Variants in ZNF423 observed in about 807,000 individuals in gnomAD.
The protein encoded by ZNF423 is zinc finger protein 423.
ZNF423 carries 12 observed loss-of-function variants against 95.8 expected under a neutral mutation model. That is an observed-to-expected ratio of 0.13 (90% CI 0.08 to 0.20). The LOEUF (loss-of-function observed/expected upper bound fraction) is 0.20. Ranked by LOEUF, ZNF423 falls within the 10% of genes least tolerant of loss-of-function variation. The pLI, the probability that ZNF423 is intolerant of heterozygous loss-of-function variation, is 1.00. For synonymous variants in ZNF423, 749 were observed against 711.9 expected (o/e 1.05, Z -0.83); for missense variants, 1,316 against 1,737.1 (o/e 0.76, Z 4.31).
rs764494108 is a variant in ZNF423, at chr16:49,637,322, C to A, written c.1854G>T (p.Val618=). ...KAEQSPVSSD[V]EVSSPKRQRL... ...GCTGCCGCTTCGGGGAAGACACCTC[C>A]ACATCGGACGAGACTGGGCTCTGCT... Residue 618 remains valine, a synonymous_variant, in exon 4 of 8, where the codon GTG becomes GTT. Transcript: ENST00000563137. The surrounding 1 kb of genome is among the most constrained non-coding windows in gnomAD (Gnocchi z 5.6). 1 of 1,614,202 alleles carries A rather than the reference C, an allele frequency of 6.2e-7. No homozygotes were observed. Among genetic ancestry groups the A allele is most frequent in the South Asian group, 1.1e-5 (1 of 91,082 alleles).
chr16:49,489,221 G>A lies in ZNF423; in HGVS notation c.*2054C>T, dbSNP rs895130786. On this transcript the variant is annotated 3_prime_UTR_variant, in exon 8 of 8. Coordinates refer to ENST00000563137, the MANE Select transcript of ZNF423 (RefSeq NM_001379286.1). ...CCAGAGCTGGAGAGGGCCCTGAGAC[G>A]GAGATGTGGCAGGCCCCGGGACATA... 14 of 152,298 alleles carry A rather than the reference G, an allele frequency of 9.2e-5. No individual in the cohort carries two copies. The highest frequency in any genetic ancestry group is 1.4e-4 in the African/African-American group (6 of 41,444). 9.4% of individuals were successfully genotyped at this position (152,298 alleles called of 1,614,324 possible).
At chr16:49,844,466 C>T (rs932824268) in intron 1 of ZNF423, among the ~76,000 whole-genome samples, 6 of 152,170 alleles carry the variant, frequency 3.9e-5, no homozygotes, top group African/African-American at 1.2e-4. Context: ...CTCTCCCAGC[C>T]GGGTGTCCTG....
intron 7 of ZNF423, among the ~76,000 whole-genome samples, chr16:49,523,248 A>C (rs989368830): frequency 6.6e-6 from 1 of 152,196 alleles, no homozygotes; most frequent in Non-Finnish European, 1.5e-5. Context: ...CTGTTCCCAC[A>C]CAGCCCCAGG....
chr16:49,815,881 A>AT lies in ZNF423; in HGVS notation c.41-26336_41-26335insA, dbSNP rs1555488161. On this transcript the variant is annotated intron_variant, in intron 1 of 7. Transcript: ENST00000563137. ...TAATTCCAAACAAACAAAAAAAAAAAATATATATATATATATATATATATA... is the reference window on the plus strand; with the variant it reads ...TAATTCCAAACAAACAAAAAAAAAAATATATATATATATATATATATATATA... 6.5e-3 allele frequency among the ~76,000 whole-genome samples: 306 copies of AT among 47,374 alleles called. 3 individuals are homozygous for AT. The highest frequency in any genetic ancestry group is 8.5e-3 in the Non-Finnish European group (238 of 28,086). The allele number at this position is 47,374 out of a possible 152,430, so 31.1% of individuals were successfully genotyped here. A position where few individuals can be genotyped will look rare whatever the true frequency, so the allele number is the denominator to read the frequency against.
chr16:49,686,537 C>T lies in ZNF423; in HGVS notation c.301+44234G>A, dbSNP rs1236152390. Among the ~76,000 whole-genome samples the T allele has an allele frequency of 5.3e-5, 8 of 152,090 alleles. No individual in the cohort carries two copies. In the South Asian group the frequency reaches 6.2e-4, roughly 12 times the overall value. Reference sequence around the variant, plus strand: ...TACACAGGCCTGCGTACGCCCCACACGGAGGATGCAGGTCCCCTGTCAGTG... The same window carrying T: ...TACACAGGCCTGCGTACGCCCCACATGGAGGATGCAGGTCCCCTGTCAGTG... On this transcript the variant is annotated intron_variant, in intron 3 of 7. Coordinates refer to ENST00000563137, the MANE Select transcript of ZNF423 (RefSeq NM_001379286.1).
At chr16:49,670,990 G>A (rs989898746) in intron 3 of ZNF423, among the ~76,000 whole-genome samples, 3 of 152,220 alleles carry the variant, frequency 2.0e-5, no homozygotes, top group African/African-American at 7.2e-5. Context: ...CGAAGGAGAT[G>A]TCTTATTGGG....
At chr16:49,557,965 GAAAC>G (rs1460887866) in intron 5 of ZNF423, among the ~76,000 whole-genome samples, 1 of 152,216 alleles carries the variant, frequency 6.6e-6, no homozygotes, top group East Asian at 1.9e-4. Context: ...CTCAAACAGG[GAAAC>G]AGCCCACAGA....
intron 3 of ZNF423, among the ~76,000 whole-genome samples, chr16:49,715,734 G>A (rs922068664): frequency 4.0e-5 from 6 of 151,410 alleles, no homozygotes; most frequent in Admixed American, 3.9e-4. Flanking sequence ...GACAGAGTGA[G>A]ACCCTGTCTC....
intron 7 of ZNF423, among the ~76,000 whole-genome samples, chr16:49,514,215 C>T (rs577776968): frequency 0.01 from 529 of 51,522 alleles, 3 homozygotes; most frequent in African/African-American, 0.044. Context: ...CACACACATG[C>T]ACACGCACAT....
chr16:49,541,750 G>C (rs1189312061), intron 5 of ZNF423, among the ~76,000 whole-genome samples: 1 of 152,148 alleles, frequency 6.6e-6, no homozygotes. Flanking sequence ...TCATGACAGT[G>C]ATTTCTCACG....
At chr16:49,499,257 C>G (rs913548821) in intron 7 of ZNF423, among the ~76,000 whole-genome samples, 2 of 152,208 alleles carry the variant, frequency 1.3e-5, no homozygotes, top group African/African-American at 2.4e-5. Flanking sequence ...ACGGGATGTG[C>G]GTGAGGTTTT....
intron 3 of ZNF423, among the ~76,000 whole-genome samples, chr16:49,715,709 C>A (rs932546260): frequency 6.7e-6 from 1 of 149,978 alleles, no homozygotes; most frequent in Admixed American, 6.6e-5. Flanking sequence ...CGTGCCAGTG[C>A]CCTCCAGCCT....
intron 7 of ZNF423, among the ~76,000 whole-genome samples, chr16:49,504,992 G>C (rs1774389353): frequency 6.6e-6 from 1 of 152,172 alleles, no homozygotes; most frequent in African/African-American, 2.4e-5. Context: ...TGTTTGCTCT[G>C]GCAGGGCAGG....
At chr16:49,625,278 G>A (rs921304557) in intron 5 of ZNF423, among the ~76,000 whole-genome samples, 2 of 152,168 alleles carry the variant, frequency 1.3e-5, no homozygotes, top group African/African-American at 2.4e-5. Context: ...GCTTGAACCC[G>A]GGTGGCAGAG....
At chr16:49,558,208 A>G (rs1225089494) in intron 5 of ZNF423, among the ~76,000 whole-genome samples, 1 of 152,188 alleles carries the variant, frequency 6.6e-6, no homozygotes, top group Non-Finnish European at 1.5e-5. Flanking sequence ...GACCCCAGCA[A>G]TGGTGGGCAG....
chr16:49,849,947 AT>A (rs1415473865), intron 1 of ZNF423, among the ~76,000 whole-genome samples: 1 of 152,198 alleles, frequency 6.6e-6, no homozygotes, highest in African/African-American at 2.4e-5. Context: ...TCAAAGGGAT[AT>A]TACCATCATG....
At chr16:49,643,245 A>C (rs1222791942) in intron 3 of ZNF423, among the ~76,000 whole-genome samples, 2 of 152,196 alleles carry the variant, frequency 1.3e-5, no homozygotes, top group Non-Finnish European at 2.9e-5. Context: ...TCCAGAATTC[A>C]GGAAGAAGGT....
Position 49,638,101 on chromosome 16 carries a change from T to G in ZNF423, c.1075A>C (p.Ser359Arg). 6.2e-7 allele frequency: 1 copy of G among 1,613,720 alleles called. No individual in the cohort carries two copies. Among genetic ancestry groups the G allele is most frequent in the East Asian group, 2.2e-5 (1 of 44,870 alleles). The change falls in exon 4 of 8, where the codon AGC becomes CGC. Residue 359 changes from serine (S) to arginine (R), a missense_variant. By Grantham distance (110) the Ser-to-Arg change is moderately radical. Around this residue, in one of 6 missense-constraint regions of ZNF423, gnomAD observed 399 missense variants for 478.5 expected, o/e 0.83. Transcript: ENST00000563137. This position sits in a 1 kb window ranked among gnomAD's most constrained non-coding sequence, Gnocchi z 5.6. ...GGGTCGGGACTGACACTGTGGTTGCTGGAGTCGGGCTGCCGGTGGCTGTCC... is the reference window on the plus strand; with the variant it reads ...GGGTCGGGACTGACACTGTGGTTGCGGGAGTCGGGCTGCCGGTGGCTGTCC... ...HLDSHRQPDS[S>R]NHSVSPDPVL...
rs1309650925 is a variant in ZNF423, at chr16:49,523,306, C to CA, written c.3849+317dup. Among the ~76,000 whole-genome samples the CA allele has an allele frequency of 2.0e-5, 3 of 152,228 alleles. 1 individual carries two copies. Among genetic ancestry groups the CA allele is most frequent in the Non-Finnish European group, 4.4e-5 (3 of 68,040 alleles). Reference sequence around the variant, plus strand: ...GGCTTCTAGCCACAGAACCAAAGCTCAGTGAAATATCATTTTACAATAGAG... The same window carrying CA: ...GGCTTCTAGCCACAGAACCAAAGCTCAAGTGAAATATCATTTTACAATAGAG... On this transcript the variant is annotated intron_variant, in intron 7 of 7. Coordinates refer to ENST00000563137, the MANE Select transcript of ZNF423 (RefSeq NM_001379286.1).
Sources: allele counts gnomAD v4.1 joint callset (sites outside exome capture counted in the v4.1 genomes callset), GRCh38; gene constraint gnomAD v4.1.1; regional missense constraint gnomAD v4.1.1; non-coding constraint Gnocchi (gnomAD v3.1); transcripts MANE v1.5; gene names NCBI Gene and HGNC (gene_info 2026-07-23, HGNC 2026-07-21).